The following PFKFB3 variants were observed in gnomAD, a reference collection of about 807,000 sequenced individuals.
PFKFB3 encodes the protein 6-phosphofructo-2-kinase/fructose-2,6-bisphosphatase 3.
PFKFB3 carries 33 observed loss-of-function variants against 68.0 expected under a neutral mutation model. The ratio of observed to expected loss-of-function variants is 0.49; its 90% CI spans 0.37 to 0.65. The LOEUF (loss-of-function observed/expected upper bound fraction) is 0.65, where lower values mean the gene tolerates loss of function less well. PFKFB3 is among the 30% of genes least tolerant of loss of function. PFKFB3 has a pLI of 0.00. For synonymous variants in PFKFB3, 315 were observed against 288.2 expected (o/e 1.09, Z -0.94); for missense variants, 586 against 712.2 (o/e 0.82, Z 2.02).
rs1442013228 is a variant in PFKFB3, at chr10:6,229,835, T to C, written c.1516-3060T>C. 2.0e-5 allele frequency among the ~76,000 whole-genome samples: 3 copies of C among 152,200 alleles called. No individual in the cohort carries two copies. Among genetic ancestry groups the C allele is most frequent in the Non-Finnish European group, 2.9e-5 (2 of 68,024 alleles). Reference sequence around the variant, plus strand: ...GTAGGGGATGGTTTGGGGATAAAACTGTTCTGCCTCAGATCGTCTGGCATT... The same window carrying C: ...GTAGGGGATGGTTTGGGGATAAAACCGTTCTGCCTCAGATCGTCTGGCATT... On this transcript the variant is annotated intron_variant, in intron 14 of 14. Transcript: ENST00000379775. The surrounding 1 kb of genome is among the most constrained non-coding windows in gnomAD (Gnocchi z 4.3).
chr10:6,226,467 G>A (rs1845363746), intron 14 of PFKFB3, 102 bp downstream of exon 14: 3 of 1,037,618 alleles, frequency 2.9e-6, no homozygotes, highest in African/African-American at 1.6e-5. Flanking sequence ...ATACGTGCGT[G>A]GGTGCGTGTG....
chr10:6,222,798 C>A lies in PFKFB3; in HGVS notation c.1084-57C>A. On this transcript the variant is annotated intron_variant, in intron 10 of 14. Coordinates refer to ENST00000379775, the MANE Select transcript of PFKFB3 (RefSeq NM_004566.4). ...CCGGTCTGATGCAGTCTGTGGCCAG[C>A]GGCAGAGCCCCTCCCGAGTGCCCTG... is the stretch of plus-strand genomic sequence containing the variant. 4 of 1,547,844 alleles carry A rather than the reference C, an allele frequency of 2.6e-6. No individual in the cohort carries two copies. In the South Asian group the frequency reaches 3.6e-5, roughly 14 times the overall value.
At chr10:6,247,664 C>T (rs1846288077) in intron 14 of PFKFB3, among the ~76,000 whole-genome samples, 1 of 152,164 alleles carries the variant, frequency 6.6e-6, no homozygotes, top group South Asian at 2.1e-4. Context: ...CCTGGCCAGT[C>T]CAGAGCCCTG....
the PFKFB3 span, chr10:6,277,808 G>T: frequency 2.5e-6 from 1 of 399,338 alleles, no homozygotes; most frequent in Non-Finnish European, 5.1e-6. Context: ...CCAGTCTCAG[G>T]TATTTCTTTA....
At chr10:6,281,028 C>T in the PFKFB3 span, among the ~76,000 whole-genome samples, 1 of 151,114 alleles carries the variant, frequency 6.6e-6, no homozygotes, top group Non-Finnish European at 1.5e-5. Context: ...TAGCTTAGCT[C>T]CCACTTATGA....
the PFKFB3 span, chr10:6,294,385 G>A: frequency 3.2e-6 from 1 of 309,762 alleles, no homozygotes; most frequent in Non-Finnish European, 6.4e-6. Flanking sequence ...AGTCATGGTG[G>A]AAGGCAAAGG....
At chr10:6,284,275 G>A in the PFKFB3 span, among the ~76,000 whole-genome samples, 1 of 152,172 alleles carries the variant, frequency 6.6e-6, no homozygotes, top group Non-Finnish European at 1.5e-5. Context: ...TTATACCGGG[G>A]TGTTGAAGTC....
chr10:6,250,306 C>T lies in PFKFB3; in HGVS notation c.1516-3872C>T, dbSNP rs1203906653. ...GTCGGCCAGGCGCAGTGGCTTACTCCTGTAATCCCAGCACTTTGGGAGGCC... is the reference window on the plus strand; with the variant it reads ...GTCGGCCAGGCGCAGTGGCTTACTCTTGTAATCCCAGCACTTTGGGAGGCC... On this transcript the variant is annotated intron_variant, in intron 14 of 14. Coordinates refer to the PFKFB3 transcript ENST00000640683. Among the ~76,000 whole-genome samples, 6 of 152,142 alleles carry T rather than the reference C, an allele frequency of 3.9e-5. No homozygotes were observed. In the South Asian group the frequency reaches 6.2e-4, roughly 16 times the overall value.
chr10:6,236,946 G>A (rs1331529427), downstream of PFKFB3, among the ~76,000 whole-genome samples: 1 of 152,150 alleles, frequency 6.6e-6, no homozygotes, highest in Non-Finnish European at 1.5e-5. Flanking sequence ...GCCGGAGAGG[G>A]GTGGACGTTG....
intron 1 of PFKFB3, among the ~76,000 whole-genome samples, chr10:6,169,667 C>A (rs1842247199): frequency 6.6e-6 from 1 of 152,082 alleles, no homozygotes; most frequent in East Asian, 1.9e-4. Context: ...GTATCCTGGG[C>A]TCTCTAGAGG....
chr10:6,220,157 A>G lies in PFKFB3; in HGVS notation c.623+464A>G, dbSNP rs1482117338. Among the ~76,000 whole-genome samples, 1 of 151,982 alleles carries G rather than the reference A, an allele frequency of 6.6e-6. No individual in the cohort carries two copies. ...CCCTTTGTCTCCCAGGCTAGAGTGC[A>G]GTGGCATGATCATAGCTCACTGCAG... is the stretch of plus-strand genomic sequence containing the variant. On this transcript the variant is annotated intron_variant, in intron 7 of 14. Transcript: ENST00000379775. The surrounding 1 kb of genome is among the most constrained non-coding windows in gnomAD (Gnocchi z 4.1).
intron 1 of PFKFB3, among the ~76,000 whole-genome samples, chr10:6,208,056 G>A (rs529599983): frequency 6.6e-6 from 1 of 152,208 alleles, no homozygotes; most frequent in African/African-American, 2.4e-5. Context: ...TAAGCAACAG[G>A]TAAAAGACAG....
intron 1 of PFKFB3, among the ~76,000 whole-genome samples, chr10:6,175,855 C>A (rs1022947063): frequency 8.5e-5 from 13 of 152,202 alleles, no homozygotes; most frequent in Admixed American, 8.5e-4. Context: ...AAGAAAAAGA[C>A]CACATGTTGG....
At chr10:6,222,063 G>A (rs569553008) in intron 10 of PFKFB3, among the ~76,000 whole-genome samples, 5 of 152,288 alleles carry the variant, frequency 3.3e-5, no homozygotes, top group South Asian at 2.1e-4. Flanking sequence ...CCTGGGCAGC[G>A]TCTGTGCTTC....
chr10:6,313,235 TTTAC>T, the PFKFB3 span, among the ~76,000 whole-genome samples: 1 of 152,234 alleles, frequency 6.6e-6, no homozygotes, highest in African/African-American at 2.4e-5. The surrounding 1 kb of genome is among the most constrained non-coding windows in gnomAD (Gnocchi z 4.2). Context: ...TTTATTGCCA[TTTAC>T]TGCTAATTTT....
chr10:6,166,653 C>T (rs372941832), intron 1 of PFKFB3, among the ~76,000 whole-genome samples: 7 of 152,200 alleles, frequency 4.6e-5, no homozygotes, highest in East Asian at 3.9e-4. Context: ...CCCATCTCAC[C>T]GCAAGTCGGA....
In PFKFB3 at chr10:6,215,380, G is replaced by A; in HGVS notation, c.299+63G>A. Reference sequence around the variant, plus strand: ...AATAAGGCTGGGCCGCGGGCATAAGGCTGGGCTGCAGGAGTAAGGCTGGGC... The same window carrying A: ...AATAAGGCTGGGCCGCGGGCATAAGACTGGGCTGCAGGAGTAAGGCTGGGC... On this transcript the variant is annotated intron_variant, in intron 3 of 14. Coordinates refer to ENST00000379775, the MANE Select transcript of PFKFB3 (RefSeq NM_004566.4). This position sits in a 1 kb window ranked among gnomAD's most constrained non-coding sequence, Gnocchi z 4.3. The A allele has an allele frequency of 7.7e-7, 1 of 1,293,136 alleles. No individual in the cohort carries two copies. The highest frequency in any genetic ancestry group is 1.1e-6 in the Non-Finnish European group (1 of 898,446). The allele number at this position is 1,293,136 out of a possible 1,614,324, so 80.1% of individuals were successfully genotyped here. A position where few individuals can be genotyped will look rare whatever the true frequency, so the allele number is the denominator to read the frequency against.
chr10:6,317,030 C>T, the PFKFB3 span, among the ~76,000 whole-genome samples: 1 of 152,168 alleles, frequency 6.6e-6, no homozygotes, highest in Non-Finnish European at 1.5e-5. Flanking sequence ...AAAATTCTGG[C>T]TCATTTGCCC....
intron 1 of PFKFB3, among the ~76,000 whole-genome samples, chr10:6,195,264 A>G (rs942828466): frequency 2.0e-5 from 3 of 152,198 alleles, no homozygotes; most frequent in African/African-American, 7.2e-5. Flanking sequence ...TGGTTTAGGC[A>G]TTAGTAGTGG....
Sources: allele counts gnomAD v4.1 joint callset (sites outside exome capture counted in the v4.1 genomes callset), GRCh38; gene constraint gnomAD v4.1.1; non-coding constraint Gnocchi (gnomAD v3.1); transcripts MANE v1.5; gene names NCBI Gene and HGNC (gene_info 2026-07-23, HGNC 2026-07-21).